Variants in MEOX2 observed in about 807,000 individuals in gnomAD.
MEOX2 encodes homeobox protein MOX-2.
A neutral mutation model predicts 27.0 loss-of-function variants in MEOX2; 11 were observed. That is an observed-to-expected ratio of 0.41 (90% CI 0.26 to 0.68). The LOEUF (loss-of-function observed/expected upper bound fraction) is 0.68, where lower values mean the gene tolerates loss of function less well. Ranked by LOEUF, MEOX2 falls within the 30% of genes least tolerant of loss-of-function variation. The probability of loss-of-function intolerance (pLI) is 0.33; values close to 1 mark genes in which losing one functional copy is unlikely to be tolerated. For missense variants in MEOX2, 436 were observed against 385.4 expected (o/e 1.13, Z -1.10); for synonymous variants, 189 against 155.4 (o/e 1.22, Z -1.61).
chr7:15,686,054 G>A lies in MEOX2; in HGVS notation c.349C>T (p.Pro117Ser), dbSNP rs777561137. 1.9e-6 allele frequency: 3 copies of A among 1,602,152 alleles called. No homozygotes were observed. The highest frequency in any genetic ancestry group is 2.3e-5 in the East Asian group (1 of 44,324). Residue 117 changes from proline to serine, a missense_variant, in exon 1 of 3, where the codon CCC becomes TCC. By Grantham distance (74) the Pro-to-Ser change is moderately conservative (BLOSUM62 -1). Coordinates refer to ENST00000262041, the MANE Select transcript of MEOX2 (RefSeq NM_005924.5). Reference sequence around the variant, plus strand: ...GGCGGGCTGCTCCCCAACTCTGGGGGCCCTCCAGAGTCGGGCTGGAGGCAG... The same window carrying A: ...GGCGGGCTGCTCCCCAACTCTGGGGACCCTCCAGAGTCGGGCTGGAGGCAG... ...SLCLQPDSGG[P>S]PELGSSPPVL...
intron 1 of MEOX2, among the ~76,000 whole-genome samples, chr7:15,628,247 A>G (rs1010751797): frequency 4.6e-5 from 7 of 152,074 alleles, no homozygotes; most frequent in Admixed American, 1.3e-4. Flanking sequence ...GGGATGTTTA[A>G]CTGAACTAAA....
chr7:15,670,100 T>C (rs1332501977), intron 1 of MEOX2, among the ~76,000 whole-genome samples: 1 of 152,208 alleles, frequency 6.6e-6, no homozygotes, highest in African/African-American at 2.4e-5. Context: ...TTAACTTCCA[T>C]TGTTATGTTG....
chr7:15,657,335 T>G (rs1781838482), intron 1 of MEOX2, among the ~76,000 whole-genome samples: 2 of 152,182 alleles, frequency 1.3e-5, no homozygotes. Context: ...AATATTAGAT[T>G]GCTTTTGGTC....
At chr7:15,658,492 T>C (rs1420620023) in intron 1 of MEOX2, among the ~76,000 whole-genome samples, 1 of 152,228 alleles carries the variant, frequency 6.6e-6, no homozygotes, top group Non-Finnish European at 1.5e-5. Flanking sequence ...TATTGGTGTG[T>C]TGGATTTCTG....
chr7:15,656,142 T>G (rs944680964), intron 1 of MEOX2, among the ~76,000 whole-genome samples: 4 of 151,830 alleles, frequency 2.6e-5, no homozygotes, highest in African/African-American at 9.7e-5. Flanking sequence ...GTCTACTTTA[T>G]CTCATATTAA....
chr7:15,672,197 C>A (rs1362814084), intron 1 of MEOX2, among the ~76,000 whole-genome samples: 1 of 152,148 alleles, frequency 6.6e-6, no homozygotes, highest in Non-Finnish European at 1.5e-5. Context: ...TTATCCATTA[C>A]TACAATGCAG....
At chr7:15,615,774 T>A (rs949984807) in intron 2 of MEOX2, among the ~76,000 whole-genome samples, 2 of 152,052 alleles carry the variant, frequency 1.3e-5, no homozygotes, top group Non-Finnish European at 2.9e-5. Flanking sequence ...CAATTCCAGA[T>A]GGAAGAAATA....
chr7:15,642,244 G>A (rs577337625), intron 1 of MEOX2, among the ~76,000 whole-genome samples: 20 of 152,250 alleles, frequency 1.3e-4, no homozygotes, highest in African/African-American at 4.6e-4. Flanking sequence ...TCTCTGGAGA[G>A]CCTTCAAGTC....
intron 1 of MEOX2, among the ~76,000 whole-genome samples, chr7:15,636,296 A>G (rs942474591): frequency 6.6e-6 from 1 of 152,014 alleles, no homozygotes; most frequent in Non-Finnish European, 1.5e-5. Flanking sequence ...TGAAATAATC[A>G]TATCGGAAGA....
chr7:15,661,735 C>T (rs1034526460), intron 1 of MEOX2, among the ~76,000 whole-genome samples: 14 of 152,048 alleles, frequency 9.2e-5, no homozygotes, highest in Non-Finnish European at 1.9e-4. Context: ...TATATAGCCA[C>T]GAAAGAAAAT....
chr7:15,664,744 T>G (rs1781972389), intron 1 of MEOX2, among the ~76,000 whole-genome samples: 1 of 152,198 alleles, frequency 6.6e-6, no homozygotes, highest in Admixed American at 6.5e-5. Context: ...TTGCAAGGGC[T>G]GTACAGATTT....
At chr7:15,625,360 G>A (rs1032812009) in intron 2 of MEOX2, among the ~76,000 whole-genome samples, 1 of 152,172 alleles carries the variant, frequency 6.6e-6, no homozygotes, top group Non-Finnish European at 1.5e-5. Flanking sequence ...TCTAAGGGAA[G>A]GAAAATGCTG....
chr7:15,656,726 A>T (rs1208910361), intron 1 of MEOX2, among the ~76,000 whole-genome samples: 2 of 152,074 alleles, frequency 1.3e-5, no homozygotes, highest in South Asian at 4.1e-4. Context: ...CAATAATAAC[A>T]TAAAACTCAA....
At chr7:15,660,393 T>G (rs954912035) in intron 1 of MEOX2, among the ~76,000 whole-genome samples, 1 of 152,158 alleles carries the variant, frequency 6.6e-6, no homozygotes, top group African/African-American at 2.4e-5. Flanking sequence ...AATAGAAACC[T>G]GACCTTATTC....
intron 1 of MEOX2, among the ~76,000 whole-genome samples, chr7:15,667,144 A>T (rs1341135272): frequency 1.3e-5 from 2 of 151,774 alleles, no homozygotes; most frequent in East Asian, 3.9e-4. Context: ...ACAAAAAATT[A>T]GCTGGGTGTG....
chr7:15,638,241 A>T (rs1290136543), intron 1 of MEOX2, among the ~76,000 whole-genome samples: 1 of 152,130 alleles, frequency 6.6e-6, no homozygotes, highest in African/African-American at 2.4e-5. Context: ...AGGTTGTGAA[A>T]GTCTGTATGC....
chr7:15,619,615 A>G (rs751006836), intron 2 of MEOX2, among the ~76,000 whole-genome samples: 8 of 151,898 alleles, frequency 5.3e-5, no homozygotes, highest in Non-Finnish European at 1.0e-4. Context: ...CACATATGCA[A>G]ACACATACAC....
chr7:15,626,528 G>T (rs189579645), intron 2 of MEOX2, among the ~76,000 whole-genome samples: 1 of 151,798 alleles, frequency 6.6e-6, no homozygotes, highest in East Asian at 1.9e-4. Flanking sequence ...ATCATAGGAG[G>T]ATTCTTTCTT....
chr7:15,638,882 T>C (rs1468408680), intron 1 of MEOX2, among the ~76,000 whole-genome samples: 1 of 152,142 alleles, frequency 6.6e-6, no homozygotes, highest in African/African-American at 2.4e-5. Flanking sequence ...CGATCAACTG[T>C]TGATGGACAT....
Sources: gnomAD v4.1 joint callset for allele counts (sites outside exome capture counted in the v4.1 genomes callset) on GRCh38, gnomAD v4.1.1 for gene constraint, MANE v1.5 for transcripts, NCBI Gene and HGNC (gene_info 2026-07-23, HGNC 2026-07-21) for gene names.